Variants in ALK observed in about 807,000 individuals in gnomAD.
The protein encoded by ALK is ALK receptor tyrosine kinase.
In ALK, 74 loss-of-function variants were observed where a neutral mutation model predicts 163.1. That is an observed-to-expected ratio of 0.45 (90% CI 0.38 to 0.55). The LOEUF is 0.55. Among genes scored for constraint, ALK ranks in the 20% least tolerant of loss-of-function variants. The pLI is 0.00. For synonymous variants in ALK, 960 were observed against 843.2 expected, an observed-to-expected ratio of 1.14 and a Z score of -2.40; for missense variants, 2,063 against 2,105.3, an observed-to-expected ratio of 0.98 and a Z score of 0.39.
At chr2:29,340,284 C>T (rs527950011) in intron 5 of ALK, among the ~76,000 whole-genome samples, 1 of 152,292 alleles carries the variant, frequency 6.6e-6, no homozygotes, top group East Asian at 1.9e-4. Flanking sequence ...ATTATAGCTA[C>T]TACTGAGACT....
intron 3 of ALK, among the ~76,000 whole-genome samples, chr2:29,553,886 A>G (rs1205044247): frequency 5.3e-5 from 8 of 151,968 alleles, no homozygotes; most frequent in Admixed American, 5.2e-4. Flanking sequence ...TTGTTCAGTT[A>G]TCTATTGGAG....
chr2:29,900,024 C>T (rs867292757), intron 1 of ALK, among the ~76,000 whole-genome samples: 5 of 152,128 alleles, frequency 3.3e-5, no homozygotes, highest in Admixed American at 2.0e-4. Context: ...CAGCTGGTCT[C>T]GCCTCTTCAT....
chr2:29,673,181 A>G (rs1270668601), intron 3 of ALK, among the ~76,000 whole-genome samples: 1 of 144,772 alleles, frequency 6.9e-6, no homozygotes, highest in Non-Finnish European at 1.5e-5. Flanking sequence ...CTTTAGTTTA[A>G]TTAGATCCCA....
intron 3 of ALK, among the ~76,000 whole-genome samples, chr2:29,653,229 G>A (rs1177475457): frequency 6.6e-6 from 1 of 152,094 alleles, no homozygotes; most frequent in East Asian, 1.9e-4. Context: ...GACTTTTGGC[G>A]TGAGAGCTGA....
rs767759391 is a variant in ALK at position 29,227,180 on chromosome 2, G to T, written c.2915-106C>A. ...CACTGTGGGTGCTCTGGTGGTCCCT[G>T]TTCCTAGGTCCCATAGCCACTGGAA... On this transcript the variant is annotated intron_variant, in intron 17 of 28. Transcript: ENST00000389048. The surrounding 1 kb of genome is among the most constrained non-coding windows in gnomAD (Gnocchi z 4.4). 1.2e-5 allele frequency: 17 copies of T among 1,449,146 alleles called. No homozygotes were observed. Among genetic ancestry groups the T allele is most frequent in the Non-Finnish European group, 1.6e-5 (17 of 1,035,146 alleles). The allele number at this position is 1,449,146 out of a possible 1,614,324, so 89.8% of individuals were successfully genotyped here.
intron 4 of ALK, among the ~76,000 whole-genome samples, chr2:29,400,929 C>T (rs745615398): frequency 5.3e-5 from 8 of 151,626 alleles, no homozygotes; most frequent in South Asian, 2.1e-4. Flanking sequence ...GAGCCGAAGT[C>T]GCACCATTGC....
chr2:29,667,487 C>A (rs1461839007), intron 3 of ALK, among the ~76,000 whole-genome samples: 2 of 151,574 alleles, frequency 1.3e-5, no homozygotes, highest in Non-Finnish European at 2.9e-5. Flanking sequence ...GCAGTATGTT[C>A]CTTCTATCTC....
intron 2 of ALK, among the ~76,000 whole-genome samples, 192 bp from the exon 3 acceptor site, chr2:29,695,206 CTG>C (rs1678519262): frequency 6.6e-6 from 1 of 152,198 alleles, no homozygotes; most frequent in Non-Finnish European, 1.5e-5. Flanking sequence ...TGTGCTCTTT[CTG>C]TAACTCATAT....
At chr2:29,841,172 C>T (rs1320802279) in intron 1 of ALK, among the ~76,000 whole-genome samples, 2 of 152,134 alleles carry the variant, frequency 1.3e-5, no homozygotes, top group Non-Finnish European at 2.9e-5. Context: ...GCCAAACTCC[C>T]ACTACCCTAA....
In ALK at chr2:29,392,376, A is replaced by T. The variant is rs916184789; in HGVS notation, c.1155-8517T>A. On this transcript the variant is annotated intron_variant, in intron 4 of 28. Coordinates refer to ENST00000389048, the MANE Select transcript of ALK (RefSeq NM_004304.5). ...CCTACTATAATGCACATAGGTTTAG[A>T]TGTATGCCAAATGCAAGTAACTCAT... Among the ~76,000 whole-genome samples the T allele has an allele frequency of 2.0e-5, 3 of 152,192 alleles. No individual in the cohort carries two copies. The South Asian group carries it at 6.2e-4, about 32-fold the overall frequency.
chr2:29,452,946 C>T (rs1670859719), intron 4 of ALK, among the ~76,000 whole-genome samples: 1 of 152,160 alleles, frequency 6.6e-6, no homozygotes, highest in Admixed American at 6.5e-5. Flanking sequence ...AAGATGCATT[C>T]AGATTGAAGA....
chr2:29,495,517 G>C (rs965702303), intron 4 of ALK, among the ~76,000 whole-genome samples: 2 of 152,132 alleles, frequency 1.3e-5, no homozygotes, highest in Admixed American at 1.3e-4. Context: ...ACTAGTGCTA[G>C]TTACTAGCCC....
At chr2:29,764,438 A>T (rs1308869694) in intron 1 of ALK, among the ~76,000 whole-genome samples, 2 of 152,222 alleles carry the variant, frequency 1.3e-5, no homozygotes, top group Non-Finnish European at 2.9e-5. Flanking sequence ...CACCACAAAT[A>T]TCAGTGAACG....
chr2:29,278,802 A>C (rs1665610485), intron 9 of ALK, among the ~76,000 whole-genome samples: 1 of 152,218 alleles, frequency 6.6e-6, no homozygotes. Flanking sequence ...GCTCGCCTGC[A>C]CATCAGGGGG....
chr2:29,540,594 A>T (rs201434406), intron 3 of ALK, among the ~76,000 whole-genome samples: 596 of 51,560 alleles, frequency 0.012, 2 homozygotes, highest in East Asian at 0.024. Context: ...TTTTTTTTTA[A>T]AAAAAAAAAA....
chr2:29,613,002 C>CG (rs1421521736), intron 3 of ALK, among the ~76,000 whole-genome samples: 2 of 152,148 alleles, frequency 1.3e-5, no homozygotes, highest in African/African-American at 2.4e-5. Context: ...ACACACACCA[C>CG]GGGGGGTCTG....
intron 9 of ALK, among the ~76,000 whole-genome samples, chr2:29,293,191 A>G (rs1269407304): frequency 6.6e-6 from 1 of 152,236 alleles, no homozygotes; most frequent in Admixed American, 6.5e-5. Flanking sequence ...TAAAGCAATC[A>G]TATCTGTTTT....
intron 4 of ALK, among the ~76,000 whole-genome samples, chr2:29,491,628 G>C (rs529330903): frequency 6.6e-6 from 1 of 152,214 alleles, no homozygotes; most frequent in Non-Finnish European, 1.5e-5. Context: ...TTGAGGAGAG[G>C]AGTGTCTCAG....
At chr2:29,574,748 G>A (rs1008699533) in intron 3 of ALK, among the ~76,000 whole-genome samples, 2 of 152,198 alleles carry the variant, frequency 1.3e-5, no homozygotes, top group Non-Finnish European at 2.9e-5. Context: ...AGGGGAGGCC[G>A]TGCTGAACTC....
Sources: allele counts gnomAD v4.1 joint callset (sites outside exome capture counted in the v4.1 genomes callset), GRCh38; gene constraint gnomAD v4.1.1; non-coding constraint Gnocchi (gnomAD v3.1); transcripts MANE v1.5; gene names NCBI Gene and HGNC (gene_info 2026-07-23, HGNC 2026-07-21).